The following URI1 variants were observed in gnomAD, a reference collection of about 807,000 sequenced individuals.
URI1 encodes unconventional prefoldin RPB5 interactor 1.
Under a neutral mutation model 60.2 loss-of-function variants are expected in URI1, and 39 were observed. That is an observed-to-expected ratio of 0.65 (90% CI 0.50 to 0.85). The LOEUF is 0.85. Ranked by LOEUF, URI1 falls within the 40% of genes least tolerant of loss-of-function variation. URI1 has a pLI of 0.00. For synonymous variants in URI1, 251 were observed against 236.8 expected (o/e 1.06, Z -0.55); for missense variants, 691 against 665.9 (o/e 1.04, Z -0.42).
At chr19:29,995,388 T>A (rs2055798781) in intron 4 of URI1, among the ~76,000 whole-genome samples, 1 of 152,132 alleles carries the variant, frequency 6.6e-6, no homozygotes. Context: ...AAATGTCTAT[T>A]CAAGTCTTTT....
At chr19:30,007,700 C>T in intron 7 of URI1, 62 bp downstream of exon 7, 1 of 1,399,972 alleles carries the variant, frequency 7.1e-7, no homozygotes. Context: ...CCTCATTAAT[C>T]TTTTTCTTCA....
At chr19:29,968,912 TAGAAG>T (rs1318791968) in intron 1 of URI1, among the ~76,000 whole-genome samples, 1 of 151,824 alleles carries the variant, frequency 6.6e-6, no homozygotes. Flanking sequence ...TGCTGTGAAA[TAGAAG>T]ACAACTAAAA....
At chr19:29,927,802 C>A (rs936743034) in intron 1 of URI1, among the ~76,000 whole-genome samples, 1 of 151,872 alleles carries the variant, frequency 6.6e-6, no homozygotes, top group Admixed American at 6.6e-5. Context: ...GTCTCAAACT[C>A]CTGACCTCAA....
At chr19:30,002,246 C>T (rs192253484) in intron 4 of URI1, among the ~76,000 whole-genome samples, 1 of 152,136 alleles carries the variant, frequency 6.6e-6, no homozygotes, top group East Asian at 1.9e-4. Flanking sequence ...CAAATATATA[C>T]AATTCTACAA....
rs532734461 is a variant in URI1, at chr19:29,992,908, G to A, written c.367+6491G>A. ...GCACCATGTCTTAGAATTTTTGGCT[G>A]TGACAACAGGCATTTGGCCACATTT... is the stretch of plus-strand genomic sequence containing the variant. On this transcript the variant is annotated intron_variant, in intron 4 of 10. Coordinates refer to ENST00000392271, the MANE Select transcript of URI1 (RefSeq NM_003796.3). 5.3e-5 allele frequency among the ~76,000 whole-genome samples: 8 copies of A among 152,300 alleles called. No individual in the cohort carries two copies. The East Asian group carries it at 1.5e-3, about 29-fold the overall frequency.
At chr19:29,999,932 T>A (rs551373584) in intron 4 of URI1, among the ~76,000 whole-genome samples, 2 of 151,998 alleles carry the variant, frequency 1.3e-5, no homozygotes, top group East Asian at 3.9e-4. Flanking sequence ...ACTCTGCTCT[T>A]TTTATTCATA....
intron 4 of URI1, among the ~76,000 whole-genome samples, chr19:29,989,860 T>C (rs1199845887): frequency 6.6e-6 from 1 of 152,136 alleles, no homozygotes; most frequent in African/African-American, 2.4e-5. Context: ...TTCATTCTCT[T>C]AACAGTGTCT....
chr19:29,996,801 T>C (rs1273938031), intron 4 of URI1, among the ~76,000 whole-genome samples: 2 of 152,048 alleles, frequency 1.3e-5, no homozygotes, highest in Non-Finnish European at 2.9e-5. Context: ...TATTGAGTTT[T>C]TTTTTTTAAT....
upstream of URI1, among the ~76,000 whole-genome samples, chr19:29,941,444 G>A (rs2055022677): frequency 6.6e-6 from 1 of 151,974 alleles, no homozygotes; most frequent in Admixed American, 6.6e-5. Context: ...AACATAGGGA[G>A]ACCCCGCCTC....
chr19:29,984,860 G>A (rs965999316), intron 2 of URI1, among the ~76,000 whole-genome samples: 2 of 151,824 alleles, frequency 1.3e-5, no homozygotes, highest in Non-Finnish European at 2.9e-5. Context: ...AGTGGCTCAC[G>A]CCTGTAACTC....
intron 4 of URI1, among the ~76,000 whole-genome samples, chr19:30,002,311 GTTTATC>G (rs1047303042): frequency 2.2e-4 from 34 of 151,894 alleles, no homozygotes; most frequent in Admixed American, 2.6e-4. Flanking sequence ...TAGGCATATC[GTTTATC>G]TTTAGGTGAA....
intron 4 of URI1, among the ~76,000 whole-genome samples, chr19:30,000,225 A>G (rs145403237): frequency 6.6e-6 from 1 of 152,088 alleles, no homozygotes; most frequent in East Asian, 1.9e-4. Flanking sequence ...TCATTAATTC[A>G]GTCAGATACT....
At chr19:29,956,906 T>G in intron 1 of URI1, 1 of 1,202,010 alleles carries the variant, frequency 8.3e-7, no homozygotes, top group Non-Finnish European at 1.2e-6. Flanking sequence ...TCTGGGGCCC[T>G]TTATGATAAC....
chr19:29,970,863 T>C (rs923023088), intron 1 of URI1, among the ~76,000 whole-genome samples: 2 of 152,122 alleles, frequency 1.3e-5, no homozygotes, highest in African/African-American at 4.8e-5. Flanking sequence ...CTACAAAATA[T>C]GTAATATTGA....
In URI1 at chr19:30,015,451, T is replaced by C. The variant is rs145520644; in HGVS notation, c.*382T>C. On this transcript the variant is annotated 3_prime_UTR_variant, in exon 11 of 11. Transcript: ENST00000392271. ...ACCATATGGACCATTTTAAAGAAAA[T>C]TTTAAAATTTCAAATAGATTCAACA... 1 of 1,510,958 alleles carries C rather than the reference T, an allele frequency of 6.6e-7. No individual in the cohort carries two copies. The highest frequency in any genetic ancestry group is 8.8e-7 in the Non-Finnish European group (1 of 1,138,598). 93.6% of individuals were successfully genotyped at this position (1,510,958 alleles called of 1,614,324 possible). A position where few individuals can be genotyped will look rare whatever the true frequency, so the allele number is the denominator to read the frequency against.
intron 7 of URI1, 34 bp downstream of exon 7, chr19:30,007,672 T>C: frequency 6.5e-7 from 1 of 1,535,660 alleles, no homozygotes; most frequent in Non-Finnish European, 8.7e-7. Flanking sequence ...CCAAGATAAT[T>C]TGTTTCTATA....
intron 4 of URI1, among the ~76,000 whole-genome samples, chr19:30,001,471 C>T (rs2055877324): frequency 1.3e-5 from 2 of 151,814 alleles, no homozygotes; most frequent in South Asian, 4.1e-4. Context: ...AAGACATTTT[C>T]TATTCTCTTT....
At chr19:29,961,539 G>A (rs1162335661) in intron 1 of URI1, among the ~76,000 whole-genome samples, 1 of 151,950 alleles carries the variant, frequency 6.6e-6, no homozygotes, top group African/African-American at 2.4e-5. Flanking sequence ...AATGTATTAT[G>A]CAGTGTATTA....
chr19:30,006,979 C>A, intron 6 of URI1, among the ~76,000 whole-genome samples: 1 of 152,074 alleles, frequency 6.6e-6, no homozygotes, highest in South Asian at 2.1e-4. Context: ...GTACTCATTC[C>A]TTGGCAGTGC....
Sources: allele counts gnomAD v4.1 joint callset (sites outside exome capture counted in the v4.1 genomes callset), GRCh38; gene constraint gnomAD v4.1.1; transcripts MANE v1.5; gene names NCBI Gene and HGNC (gene_info 2026-07-23, HGNC 2026-07-21).